Variants in BCAP31 observed in about 807,000 individuals in gnomAD.
BCAP31 encodes B cell receptor associated protein 31, also known as B-cell receptor-associated protein 31.
For missense variants in BCAP31, 124 were observed against 193.0 expected, an observed-to-expected ratio of 0.64 and a Z score of 2.12; for synonymous variants, 75 against 80.9, an observed-to-expected ratio of 0.93 and a Z score of 0.39.
At chrX:153,702,226 A>G in intron 6 of BCAP31, 119 bp from the exon 7 acceptor site, 1 of 568,693 alleles carries the variant, frequency 1.8e-6, no homozygotes, top group Non-Finnish European at 2.8e-6. Flanking sequence ...GAGGTTATAC[A>G]GGAGGCTACT....
intron 3 of BCAP31, among the ~76,000 whole-genome samples, chrX:153,716,871 A>G (rs181386230): frequency 1.8e-5 from 2 of 112,878 alleles, no homozygotes; most frequent in African/African-American, 6.4e-5. Flanking sequence ...GGGTTTTATT[A>G]TCTATAATGT....
At position 153,723,812 on chromosome X, in the gene BCAP31, G is replaced by A. The variant is rs1603230976; in HGVS notation, c.-45+522C>T. The A allele has an allele frequency of 4.3e-5, 33 of 775,082 alleles. No homozygotes were observed. In the East Asian group the frequency reaches 1.0e-3, roughly 24 times the overall value. The allele number at this position is 775,082 out of a possible 1,213,427, so 63.9% of individuals were successfully genotyped here. ...CTCCCACCGTCCCCACGGCGCCCGC[G>A]GAGAGAAACCGGCACCTCCCTCGAG... On this transcript the variant is annotated intron_variant, in intron 1 of 7. Coordinates refer to ENST00000345046, the MANE Select transcript of BCAP31 (RefSeq NM_001256447.2).
At chrX:153,708,497 T>C (rs1470496995) in intron 4 of BCAP31, among the ~76,000 whole-genome samples, 1 of 112,493 alleles carries the variant, frequency 8.9e-6, no homozygotes, top group Non-Finnish European at 1.9e-5. Context: ...ACACATGGTG[T>C]TCACATAAGC....
chrX:153,701,044 C>T, intron 7 of BCAP31, 69 bp from the exon 8 acceptor site: 1 of 1,010,531 alleles, frequency 9.9e-7, no homozygotes, highest in African/African-American at 1.9e-5. Context: ...ACCTCCAGCC[C>T]CATGCCCCAG....
intron 3 of BCAP31, among the ~76,000 whole-genome samples, chrX:153,717,484 C>A (rs1281568125): frequency 6.2e-5 from 7 of 112,595 alleles, no homozygotes; most frequent in African/African-American, 2.3e-4. Context: ...GTCACCCAGG[C>A]TTGAGTGCAG....
intron 2 of BCAP31, among the ~76,000 whole-genome samples, chrX:153,722,691 G>C (rs927862778): frequency 5.7e-4 from 64 of 111,869 alleles, no homozygotes; most frequent in African/African-American, 2.0e-3. Flanking sequence ...CATTAAAAGG[G>C]AATATGGCTT....
At chrX:153,721,044 T>C (rs782791430) in intron 2 of BCAP31, 72 bp from the exon 3 acceptor site, 2 of 946,240 alleles carry the variant, frequency 2.1e-6, no homozygotes, top group South Asian at 4.3e-5. Context: ...CTGAGCAAAA[T>C]GGAAATCCAG....
rs781918435 is a variant in BCAP31, at chrX:153,703,268, G to A, written c.478-210C>T. ...CGCCGAGGGAAAGAGAAGCGCCAGC[G>A]GGGCCACCTGCTGCAGCTCGCCGGG... On this transcript the variant is annotated intron_variant, in intron 5 of 7. Coordinates refer to ENST00000345046, the MANE Select transcript of BCAP31 (RefSeq NM_001256447.2). 1.7e-4 allele frequency among the ~76,000 whole-genome samples: 19 copies of A among 113,438 alleles called. 1 individual carries two copies. The East Asian group carries it at 3.9e-3, about 23-fold the overall frequency.
rs782669891 is a variant in BCAP31 at position 153,708,694 on chromosome X, G to C, written c.342-4600C>G. On this transcript the variant is annotated intron_variant, in intron 4 of 7. Transcript: ENST00000345046. ...GCCTCAGGAAGGCTTCAGTGAAGAA[G>C]AATGACTAACACCAGGGCTTCCACT... Among the ~76,000 whole-genome samples, 7 of 112,985 alleles carry C rather than the reference G, an allele frequency of 6.2e-5. 1 individual carries two copies. In the East Asian group the frequency reaches 2.0e-3, roughly 32 times the overall value.
At chrX:153,719,256 AC>A (rs1316649201) in intron 3 of BCAP31, among the ~76,000 whole-genome samples, 1 of 110,402 alleles carries the variant, frequency 9.1e-6, no homozygotes, top group Admixed American at 9.7e-5. Flanking sequence ...CCCAGTTATT[AC>A]CCCCACCCCA....
intron 1 of BCAP31, chrX:153,724,133 C>A (rs1268265243): frequency 3.8e-6 from 1 of 262,684 alleles, no homozygotes; most frequent in African/African-American, 3.0e-5. Flanking sequence ...GCTTCACCGC[C>A]CCCCGCCCCG....
chrX:153,704,468 G>C (rs1328104070), intron 4 of BCAP31, among the ~76,000 whole-genome samples: 2 of 112,285 alleles, frequency 1.8e-5, no homozygotes, highest in Non-Finnish European at 3.8e-5. Context: ...GGCTTGCCTT[G>C]GTAAGGTAAC....
In BCAP31 at chrX:153,720,164, G is replaced by C. The variant is rs2091654848; in HGVS notation, c.193+708C>G. ...CTCCAGGCAATTCTGCTGTTTAAGTGACTGGTGAGCAGCACTACTCAGACC... is the reference window on the plus strand; with the variant it reads ...CTCCAGGCAATTCTGCTGTTTAAGTCACTGGTGAGCAGCACTACTCAGACC... On this transcript the variant is annotated intron_variant, in intron 3 of 7. Coordinates refer to ENST00000345046, the MANE Select transcript of BCAP31 (RefSeq NM_001256447.2). 2.7e-5 allele frequency among the ~76,000 whole-genome samples: 3 copies of C among 111,672 alleles called. No individual in the cohort carries two copies. The Admixed American group carries it at 2.9e-4, about 11-fold the overall frequency.
At chrX:153,719,157 C>G in intron 3 of BCAP31, among the ~76,000 whole-genome samples, 1 of 111,753 alleles carries the variant, frequency 8.9e-6, no homozygotes, top group East Asian at 2.8e-4. Flanking sequence ...CCAGCCCACT[C>G]AGCTGCTCTA....
intron 4 of BCAP31, among the ~76,000 whole-genome samples, chrX:153,715,169 A>C (rs2091618392): frequency 8.9e-6 from 1 of 111,852 alleles, no homozygotes; most frequent in East Asian, 2.8e-4. Context: ...CCCCGGACAC[A>C]AAGAGTCCCC....
rs1557049982 is a variant in BCAP31, at chrX:153,715,693, T to C, written c.194-4A>G. On this transcript the variant is annotated splice_polypyrimidine_tract_variant and splice_region_variant and intron_variant, in intron 3 of 7. Transcript: ENST00000345046. The stretch of plus-strand genomic sequence containing the variant: ...TTCCGAATTTCGCGCACGGCATCTG[T>C]GGTGGAGCAGAGAGGAGACACGGGC... 1 of 1,210,513 alleles carries C rather than the reference T, an allele frequency of 8.3e-7. No individual in the cohort carries two copies. The highest frequency in any genetic ancestry group is 1.8e-5 in the South Asian group (1 of 56,941).
chrX:153,719,487 T>C (rs1368052824), intron 3 of BCAP31, among the ~76,000 whole-genome samples: 1 of 112,340 alleles, frequency 8.9e-6, no homozygotes, highest in Admixed American at 9.4e-5. Context: ...CAGGTAACAC[T>C]TGGCCTGTTC....
rs1346426973 is a variant in BCAP31, at chrX:153,702,250, C to G, written c.602-143G>C. The G allele has an allele frequency of 5.3e-5, 26 of 492,123 alleles. No homozygotes were observed. In the African/African-American group the frequency reaches 5.4e-4, roughly 10 times the overall value. 40.6% of individuals were successfully genotyped at this position (492,123 alleles called of 1,213,427 possible). A position where few individuals can be genotyped will look rare whatever the true frequency, so the allele number is the denominator to read the frequency against. On this transcript the variant is annotated intron_variant, in intron 6 of 7. Transcript: ENST00000345046. ...CAGGAGGCTACTTCTCAAAATAAAGCCCCTCTGCTTTTGCAGGCCCCCAAA... is the reference window on the plus strand; with the variant it reads ...CAGGAGGCTACTTCTCAAAATAAAGGCCCTCTGCTTTTGCAGGCCCCCAAA...
At chrX:153,720,313 T>C (rs1219172635) in intron 3 of BCAP31, among the ~76,000 whole-genome samples, 3 of 108,337 alleles carry the variant, frequency 2.8e-5, no homozygotes, top group Non-Finnish European at 3.8e-5. Context: ...GTGGCCGTCA[T>C]AAGCTGCATA....
Sources: gnomAD v4.1 joint callset for allele counts (sites outside exome capture counted in the v4.1 genomes callset) on GRCh38, gnomAD v4.1.1 for gene constraint, MANE v1.5 for transcripts, NCBI Gene and HGNC (gene_info 2026-07-23, HGNC 2026-07-21) for gene names.